Variants in ATP8A1 observed in about 807,000 individuals in gnomAD.
ATP8A1 encodes phospholipid-transporting ATPase IA.
A neutral mutation model predicts 177.7 loss-of-function variants in ATP8A1; 90 were observed. The observed-to-expected ratio is 0.51, with a 90% CI of 0.43 to 0.60. The LOEUF is 0.60. Ranked by LOEUF, ATP8A1 falls within the 20% of genes least tolerant of loss-of-function variation. The pLI is 0.00. For synonymous variants in ATP8A1, 493 were observed against 485.9 expected, an observed-to-expected ratio of 1.01 and a Z score of -0.19; for missense variants, 1,072 against 1,392.8, an observed-to-expected ratio of 0.77 and a Z score of 3.67.
At chr4:42,439,821 G>C (rs1017602936) in intron 33 of ATP8A1, among the ~76,000 whole-genome samples, 5 of 152,166 alleles carry the variant, frequency 3.3e-5, no homozygotes, top group African/African-American at 4.8e-5. Flanking sequence ...CTAATTTCCA[G>C]ATCAAATACC....
chr4:42,568,557 A>C (rs1731582528), intron 15 of ATP8A1, among the ~76,000 whole-genome samples: 1 of 152,200 alleles, frequency 6.6e-6, no homozygotes, highest in African/African-American at 2.4e-5. Context: ...CCAACAAAAA[A>C]CTCATAAAAT....
intron 14 of ATP8A1, among the ~76,000 whole-genome samples, chr4:42,573,560 C>A (rs1460625707): frequency 6.6e-6 from 1 of 152,166 alleles, no homozygotes; most frequent in Non-Finnish European, 1.5e-5. Flanking sequence ...AACAGGCTGT[C>A]TTTACAGTGT....
intron 4 of ATP8A1, among the ~76,000 whole-genome samples, chr4:42,617,024 T>A (rs760758589): frequency 6.6e-6 from 1 of 152,246 alleles, no homozygotes; most frequent in Non-Finnish European, 1.5e-5. Context: ...AAGTTGAATA[T>A]AGTTGTGCGT....
At chr4:42,602,501 C>G (rs143551954) in intron 5 of ATP8A1, among the ~76,000 whole-genome samples, 1 of 152,170 alleles carries the variant, frequency 6.6e-6, no homozygotes, top group Non-Finnish European at 1.5e-5. Context: ...CAGTAGCTCA[C>G]GCTTGTAATC....
At chr4:42,648,711 G>A (rs1018507431) in intron 1 of ATP8A1, among the ~76,000 whole-genome samples, 5 of 151,876 alleles carry the variant, frequency 3.3e-5, no homozygotes, top group African/African-American at 9.7e-5. Flanking sequence ...GCACTACAAA[G>A]TTAAGATAAA....
Position 42,588,336 on chromosome 4 carries a change from T to C in ATP8A1, c.525-7A>G. The stretch of plus-strand genomic sequence containing the variant: ...GCACATGGCTTGGGGCTCACTGTAG[T>C]TTGGAGTTGAGAAGCACAAAGATTT... On this transcript the variant is annotated splice_region_variant and splice_polypyrimidine_tract_variant and intron_variant, in intron 7 of 36. Transcript: ENST00000381668. The C allele has an allele frequency of 6.2e-7, 1 of 1,612,034 alleles. No homozygotes were observed. Among genetic ancestry groups the C allele is most frequent in the Non-Finnish European group, 8.5e-7 (1 of 1,179,160 alleles).
At chr4:42,589,926 T>G (rs2345656) in intron 7 of ATP8A1, among the ~76,000 whole-genome samples, 1 of 152,084 alleles carries the variant, frequency 6.6e-6, no homozygotes, top group Non-Finnish European at 1.5e-5. Context: ...AATGGCTAAG[T>G]TCTATTTGAA....
chr4:42,456,154 T>C (rs1718462515), intron 27 of ATP8A1, among the ~76,000 whole-genome samples: 1 of 152,188 alleles, frequency 6.6e-6, no homozygotes, highest in African/African-American at 2.4e-5. Flanking sequence ...TTATGTAATA[T>C]GCATTTTCTT....
intron 5 of ATP8A1, among the ~76,000 whole-genome samples, chr4:42,611,524 C>T (rs1237879283): frequency 6.6e-6 from 1 of 152,138 alleles, no homozygotes; most frequent in East Asian, 1.9e-4. Context: ...CCAGGGAATA[C>T]ACCTGGGGCT....
chr4:42,426,929 T>C (rs1305887454), intron 33 of ATP8A1, among the ~76,000 whole-genome samples: 1 of 152,218 alleles, frequency 6.6e-6, no homozygotes, highest in Non-Finnish European at 1.5e-5. Context: ...ATAGAAATTA[T>C]TGACTACACC....
intron 25 of ATP8A1, among the ~76,000 whole-genome samples, chr4:42,475,019 T>C (rs1320386757): frequency 1.4e-4 from 22 of 152,286 alleles, no homozygotes; most frequent in Non-Finnish European, 5.9e-5. Flanking sequence ...ACCCAACACA[T>C]TGAATTCTCA....
At chr4:42,452,861 A>G (rs1458910001) in intron 29 of ATP8A1, among the ~76,000 whole-genome samples, 2 of 152,204 alleles carry the variant, frequency 1.3e-5, no homozygotes, top group Non-Finnish European at 2.9e-5. Flanking sequence ...ATGCTAAATA[A>G]AACTGGCATG....
intron 29 of ATP8A1, 37 bp downstream of exon 29, chr4:42,455,254 ACAGACC>A (rs781021604): frequency 1.2e-6 from 2 of 1,608,884 alleles, no homozygotes; most frequent in South Asian, 2.2e-5. Context: ...GGCAGTAAAC[ACAGACC>A]CACCAAACAT....
chr4:42,426,879 C>G (rs1222197854), intron 33 of ATP8A1, among the ~76,000 whole-genome samples: 1 of 152,164 alleles, frequency 6.6e-6, no homozygotes, highest in Non-Finnish European at 1.5e-5. Flanking sequence ...CCATTCATCT[C>G]AATTTGCCAA....
At chr4:42,453,582 C>A (rs1718164415) in intron 29 of ATP8A1, among the ~76,000 whole-genome samples, 1 of 152,162 alleles carries the variant, frequency 6.6e-6, no homozygotes, top group Admixed American at 6.5e-5. Context: ...CCCGCTATAC[C>A]CTTTTCCTGG....
intron 1 of ATP8A1, among the ~76,000 whole-genome samples, chr4:42,629,353 A>G (rs762698392): frequency 6.6e-6 from 1 of 152,248 alleles, no homozygotes; most frequent in Non-Finnish European, 1.5e-5. Flanking sequence ...CACAGACAAC[A>G]TAGGCTTTCT....
At chr4:42,526,910 T>C (rs144621404) in intron 20 of ATP8A1, among the ~76,000 whole-genome samples, 1,531 of 152,172 alleles carry the variant, frequency 0.01, 23 homozygotes, top group African/African-American at 0.035. Flanking sequence ...TGGAGAACAC[T>C]GATAGTCCTT....
intron 24 of ATP8A1, among the ~76,000 whole-genome samples, chr4:42,495,831 C>T (rs964157136): frequency 3.3e-5 from 5 of 151,934 alleles, no homozygotes; most frequent in African/African-American, 7.3e-5. Context: ...GCCCAACGAA[C>T]GCATTTAATC....
intron 20 of ATP8A1, among the ~76,000 whole-genome samples, chr4:42,534,378 T>G (rs1225957154): frequency 2.0e-5 from 3 of 152,024 alleles, no homozygotes; most frequent in Non-Finnish European, 4.4e-5. Flanking sequence ...ATGGAAAGTC[T>G]CAACAACAGA....
Sources: gnomAD v4.1 joint callset for allele counts (sites outside exome capture counted in the v4.1 genomes callset) on GRCh38, gnomAD v4.1.1 for gene constraint, MANE v1.5 for transcripts, NCBI Gene and HGNC (gene_info 2026-07-23, HGNC 2026-07-21) for gene names.